The following SLC25A22 variants were observed in gnomAD, a reference collection of about 807,000 sequenced individuals.
SLC25A22 encodes mitochondrial glutamate carrier 1.
A neutral mutation model predicts 33.7 loss-of-function variants in SLC25A22; 23 were observed. The observed-to-expected ratio is 0.68, with a 90% CI of 0.49 to 0.97. The LOEUF is 0.97. SLC25A22 is among the 50% of genes least tolerant of loss of function. The pLI is 0.00. For missense variants in SLC25A22, 390 were observed against 451.1 expected (o/e 0.86, Z 1.23); for synonymous variants, 245 against 203.8 (o/e 1.20, Z -1.72).
At chr11:794,195 A>T in intron 4 of SLC25A22, 1 of 695,518 alleles carries the variant, frequency 1.4e-6, no homozygotes, top group Non-Finnish European at 2.6e-6. Flanking sequence ...AGCTGTGGCC[A>T]CCAGAGAAGA....
In SLC25A22 at chr11:792,714, C is replaced by T. The variant is rs1337940425; in HGVS notation, c.426G>A (p.Lys142=). The T allele has an allele frequency of 6.5e-7, 1 of 1,549,032 alleles. No homozygotes were observed. Among genetic ancestry groups the T allele is most frequent in the Non-Finnish European group, 8.7e-7 (1 of 1,151,220 alleles). ...QDAGRIAAQR[K]ILAAQGQLSA... ...AGAGCTGGCCCTGGGCAGCCAGGAT[C>T]TTCCTCTGGGCGGCTGGGGACAAAG... Residue 142 remains lysine (K), a synonymous_variant, in exon 7 of 10, where the codon AAG becomes AAA. Transcript: ENST00000628067.
intron 5 of SLC25A22, 22 bp downstream of exon 5, chr11:793,507 G>A: frequency 6.2e-7 from 1 of 1,612,426 alleles, no homozygotes; most frequent in East Asian, 2.2e-5. Flanking sequence ...CCCCTCGAGT[G>A]TCTGCCAGGC....
chr11:795,210 A>C (rs549488602), intron 1 of SLC25A22, 41 bp from the exon 2 acceptor site: 1 of 695,468 alleles, frequency 1.4e-6, no homozygotes, highest in Non-Finnish European at 2.5e-6. Flanking sequence ...GGGTGGGGCC[A>C]CCCGAAGAGT....
At chr11:793,018 G>A (rs955007376) in intron 5 of SLC25A22, 30 bp from the exon 6 acceptor site, 1 of 1,603,188 alleles carries the variant, frequency 6.2e-7, no homozygotes, top group African/African-American at 1.3e-5. Context: ...GCAGTAAGTG[G>A]GAAGAGACAG....
Position 792,664 on chromosome 11 carries a change from G to A in SLC25A22, c.476C>T (p.Ser159Leu), listed in dbSNP as rs1328577465. The change falls in exon 7 of 10, where the codon TCA becomes TTA. Residue 159 changes from serine to leucine, a missense_variant. By Grantham distance (145) the Ser-to-Leu change is moderately radical. Transcript: ENST00000628067. ...QLSAQGGAQP[S>L]VEAPAAPRPT... is the part of the protein sequence containing the mutation. ...CCGAGGGGCAGCTGGAGCCTCCACTGAGGGCTGGGCACCCCCCTGGGCCGA... is the reference window on the plus strand; with the variant it reads ...CCGAGGGGCAGCTGGAGCCTCCACTAAGGGCTGGGCACCCCCCTGGGCCGA... 2 of 1,569,442 alleles carry A rather than the reference G, an allele frequency of 1.3e-6. No individual in the cohort carries two copies.
intron 5 of SLC25A22, among the ~76,000 whole-genome samples, 163 bp from the exon 6 acceptor site, chr11:793,151 G>A (rs1478691423): frequency 6.6e-6 from 1 of 152,238 alleles, no homozygotes; most frequent in Non-Finnish European, 1.5e-5. Context: ...GCAGCAGGCA[G>A]GGAGGAGACC....
chr11:798,249 C>A lies in SLC25A22; in HGVS notation c.-196G>T, dbSNP rs1304600705. On this transcript the variant is annotated 5_prime_UTR_variant, in exon 1 of 10. Coordinates refer to ENST00000628067, the MANE Select transcript of SLC25A22 (RefSeq NM_001191061.2). Reference sequence around the variant, plus strand: ...GCCGCCGCCGCCGCGCTCGCCTGCCCGCCCCGCGCTCGGCCAGCACCTAGG... The same window carrying A: ...GCCGCCGCCGCCGCGCTCGCCTGCCAGCCCCGCGCTCGGCCAGCACCTAGG... 3 of 390,482 alleles carry A rather than the reference C, an allele frequency of 7.7e-6. No homozygotes were observed. Among genetic ancestry groups the A allele is most frequent in the Non-Finnish European group, 1.4e-5 (3 of 221,068 alleles). The allele number at this position is 390,482 out of a possible 1,614,324, so 24.2% of individuals were successfully genotyped here. A position where few individuals can be genotyped will look rare whatever the true frequency, so the allele number is the denominator to read the frequency against.
At chr11:794,373 C>T in intron 4 of SLC25A22, 85 bp downstream of exon 4, 2 of 1,504,116 alleles carry the variant, frequency 1.3e-6, no homozygotes, top group South Asian at 1.2e-5. Context: ...GGCCGCCCTG[C>T]CCTGCCTCCC....
At position 791,592 on chromosome 11, in the gene SLC25A22, A is replaced by G. The variant is rs1436396912; in HGVS notation, c.*323T>C. 4 of 428,912 alleles carry G rather than the reference A, an allele frequency of 9.3e-6. 1 individual carries two copies. The highest frequency in any genetic ancestry group is 1.7e-5 in the Non-Finnish European group (4 of 233,580). 26.6% of individuals were successfully genotyped at this position (428,912 alleles called of 1,614,324 possible). On this transcript the variant is annotated 3_prime_UTR_variant, in exon 10 of 10. Coordinates refer to ENST00000628067, the MANE Select transcript of SLC25A22 (RefSeq NM_001191061.2). The stretch of plus-strand genomic sequence containing the variant: ...GGGTATGGTCCAGCCTGCCCGGCCC[A>G]GGCCCGGGGGCCCCCAGCCCAGAGA...
At chr11:793,019 G>A (rs748196952) in intron 5 of SLC25A22, 31 bp from the exon 6 acceptor site, 4 of 1,603,380 alleles carry the variant, frequency 2.5e-6, no homozygotes, top group Non-Finnish European at 3.4e-6. Flanking sequence ...CAGTAAGTGG[G>A]AAGAGACAGG....
At chr11:794,157 G>T in intron 4 of SLC25A22, 1 of 673,326 alleles carries the variant, frequency 1.5e-6, no homozygotes, top group Non-Finnish European at 2.7e-6. Flanking sequence ...CCACAAACGG[G>T]GTCCAGCCTG....
intron 3 of SLC25A22, 92 bp from the exon 4 acceptor site, chr11:794,605 A>G (rs1186117423): frequency 1.3e-6 from 2 of 1,549,700 alleles, no homozygotes; most frequent in Non-Finnish European, 1.8e-6. Flanking sequence ...GAAGAGGCCA[A>G]GTCCTCAGCC....
At chr11:797,806 G>A (rs1590127577) in intron 1 of SLC25A22, 1 of 398,654 alleles carries the variant, frequency 2.5e-6, no homozygotes, top group Middle Eastern at 6.3e-4. Flanking sequence ...TCTGCGCTCG[G>A]AGGCCGGCTC....
At chr11:793,824 C>A in intron 4 of SLC25A22, 1 of 609,174 alleles carries the variant, frequency 1.6e-6, no homozygotes, top group Non-Finnish European at 2.9e-6. Flanking sequence ...TCAGGCTCTC[C>A]CATGCCCACT....
chr11:792,433 A>C lies in SLC25A22; in HGVS notation c.613T>G (p.Phe205Val). The change falls in exon 8 of 10, where the codon TTC (phenylalanine) becomes GTC (valine). Residue 205 changes from phenylalanine (F) to valine (V), a missense_variant. Phe to Val is a conservative substitution (Grantham distance 50, BLOSUM62 -1). Transcript: ENST00000628067. ...LRDVPFSVVY[F>V]PLFANLNQLG... is the part of the protein sequence containing the mutation. ...TGGTTCAGGTTGGCAAAGAGCGGGA[A>C]GTACACCACAGAGAAGGGGACATCC... 5.6e-6 allele frequency: 9 copies of C among 1,613,400 alleles called. No individual in the cohort carries two copies. The highest frequency in any genetic ancestry group is 6.8e-6 in the Non-Finnish European group (8 of 1,179,934).
chr11:797,725 T>A (rs1864911808), intron 1 of SLC25A22: 1 of 398,368 alleles, frequency 2.5e-6, no homozygotes, highest in South Asian at 1.3e-4. Context: ...GGCTGGAGGG[T>A]CCCGGAAGGG....
In SLC25A22 at chr11:793,597, G is replaced by A. The variant is rs1394231259; in HGVS notation, c.225C>T (p.Leu75=). The A allele has an allele frequency of 2.5e-6, 4 of 1,610,630 alleles. No homozygotes were observed. Among genetic ancestry groups the A allele is most frequent in the Non-Finnish European group, 2.5e-6 (3 of 1,179,924 alleles). ...MYRGAAVNLT[L]VTPEKAIKLA... Reference sequence around the variant, plus strand: ...GCTTGATGGCCTTCTCGGGGGTGACGAGGGTCAAGTTCACAGCAGCTCCTG... The same window carrying A: ...GCTTGATGGCCTTCTCGGGGGTGACAAGGGTCAAGTTCACAGCAGCTCCTG... Residue 75 remains leucine, a synonymous_variant, in exon 5 of 10, where the codon CTC becomes CTT. Coordinates refer to ENST00000628067, the MANE Select transcript of SLC25A22 (RefSeq NM_001191061.2).
intron 4 of SLC25A22, chr11:794,006 G>T: frequency 2.1e-6 from 1 of 470,374 alleles, no homozygotes; most frequent in Non-Finnish European, 3.9e-6. Flanking sequence ...GTCTGGACTG[G>T]GCCAGAGCTC....
chr11:792,509 C>G (rs1864581371), intron 7 of SLC25A22, 44 bp downstream of exon 7: 1 of 1,612,382 alleles, frequency 6.2e-7, no homozygotes, highest in Admixed American at 1.7e-5. Context: ...GGTGGGCAGG[C>G]CGGCCTCCCC....
Sources: allele counts gnomAD v4.1 joint callset (sites outside exome capture counted in the v4.1 genomes callset), GRCh38; gene constraint gnomAD v4.1.1; transcripts MANE v1.5; gene names NCBI Gene and HGNC (gene_info 2026-07-23, HGNC 2026-07-21).